Variants in RPS6KA2 observed in about 807,000 individuals in gnomAD.
RPS6KA2 encodes the protein ribosomal protein S6 kinase A2.
RPS6KA2 carries 42 observed loss-of-function variants against 91.8 expected under a neutral mutation model. The observed-to-expected ratio is 0.46, with a 90% confidence interval of 0.36 to 0.59. The LOEUF (loss-of-function observed/expected upper bound fraction) is 0.59. RPS6KA2 is among the 20% of genes least tolerant of loss of function. The pLI is 0.00. For synonymous variants in RPS6KA2, 414 were observed against 393.6 expected (o/e 1.05, Z -0.61); for missense variants, 798 against 978.5 (o/e 0.82, Z 2.46).
rs545233526 is a variant in RPS6KA2, at chr6:166,767,045, G to C, written c.123+91155C>G. 6.6e-6 allele frequency among the ~76,000 whole-genome samples: 1 copy of C among 152,172 alleles called. No individual in the cohort carries two copies. Among genetic ancestry groups the C allele is most frequent in the East Asian group, 1.9e-4 (1 of 5,188 alleles). ...GAAGTCTGCACCAACTCACCGCCAC[G>C]AGAGTGAATGAAGGTCCCTTCCTTA... On this transcript the variant is annotated intron_variant, in intron 2 of 21. Coordinates refer to the RPS6KA2 transcript ENST00000503859. The surrounding 1 kb of genome is among the most constrained non-coding windows in gnomAD (Gnocchi z 4.6).
intron 1 of RPS6KA2, among the ~76,000 whole-genome samples, chr6:166,604,115 T>C (rs886374000): frequency 5.3e-5 from 8 of 152,206 alleles, no homozygotes; most frequent in South Asian, 2.1e-4. Context: ...CCTCTGCCAA[T>C]TGAAAGTTTT....
intron 2 of RPS6KA2, among the ~76,000 whole-genome samples, chr6:166,705,212 A>G (rs1438271469): frequency 6.6e-6 from 1 of 152,184 alleles, no homozygotes; most frequent in African/African-American, 2.4e-5. Flanking sequence ...TATCCGTCCA[A>G]TTGTGCAAGC....
intron 2 of RPS6KA2, among the ~76,000 whole-genome samples, chr6:166,691,155 A>G (rs1001964179): frequency 2.6e-5 from 4 of 152,002 alleles, no homozygotes; most frequent in Admixed American, 6.5e-5. Context: ...CTCCTTTTAT[A>G]CCTGACTCTG....
rs757805752 is a variant in RPS6KA2 at position 166,498,545 on chromosome 6, G to T, written c.710C>A (p.Thr237Lys). 1 of 1,613,494 alleles carries T rather than the reference G, an allele frequency of 6.2e-7. No homozygotes were observed. Among genetic ancestry groups the T allele is most frequent in the Non-Finnish European group, 8.5e-7 (1 of 1,179,932 alleles). ...GAAGGACCACCAGTCGGCACTCTGC[G>T]TGTGTCCTCGCCGGTTCACCACCTC... ...APEVVNRRGH[T>K]QSADWWSFGV... is the part of the protein sequence containing the mutation. Residue 237 changes from threonine to lysine, a missense_variant, in exon 8 of 21, where the codon ACG (threonine) becomes AAG (lysine). Physicochemically the swap from Thr to Lys is moderately conservative, Grantham distance 78. Transcript: ENST00000265678.
intron 1 of RPS6KA2, among the ~76,000 whole-genome samples, chr6:166,623,331 A>T (rs1257963067): frequency 6.6e-6 from 1 of 152,244 alleles, no homozygotes; most frequent in Non-Finnish European, 1.5e-5. Context: ...GAGGTTCCAC[A>T]TCCCATCTTC....
Position 166,550,741 on chromosome 6 carries a change from G to A in RPS6KA2, c.100-11957C>T, listed in dbSNP as rs141748100. 3.4e-3 allele frequency among the ~76,000 whole-genome samples: 518 copies of A among 152,210 alleles called. 1 individual carries two copies. The highest frequency in any genetic ancestry group is 4.8e-3 in the Non-Finnish European group (324 of 67,984). On this transcript the variant is annotated intron_variant, in intron 1 of 20. Coordinates refer to ENST00000265678, the MANE Select transcript of RPS6KA2 (RefSeq NM_021135.6). ...ATTAGGGTTGGGCGCGATGGCTCAC[G>A]CCTGTAATCCCAGCACTTTGGGAGG...
intron 2 of RPS6KA2, among the ~76,000 whole-genome samples, chr6:166,700,504 A>G (rs186651259): frequency 6.6e-6 from 1 of 152,300 alleles, no homozygotes; most frequent in Admixed American, 6.5e-5. Context: ...AAAAAAAAGA[A>G]CAATTTTGCT....
chr6:166,693,564 G>T (rs1583025705), intron 2 of RPS6KA2, among the ~76,000 whole-genome samples: 1 of 152,294 alleles, frequency 6.6e-6, no homozygotes, highest in East Asian at 1.9e-4. Flanking sequence ...CTCTCGCCTG[G>T]TCTGTGGCCA....
intron 10 of RPS6KA2, among the ~76,000 whole-genome samples, chr6:166,482,758 A>C (rs1307126798): frequency 6.6e-6 from 1 of 152,174 alleles, no homozygotes; most frequent in Non-Finnish European, 1.5e-5. Context: ...TCAACAAGTG[A>C]AATCTGTGTG....
At position 166,563,466 on chromosome 6, in the gene RPS6KA2, AC is replaced by A. The variant is rs1784403310; in HGVS notation, c.100-24683del. Reference sequence around the variant, plus strand: ...CTCCTGGTGACAGATGCCCCCTGCCACCCCCAGGGGCTGCGGCTCCCCCAGA... The same window carrying A: ...CTCCTGGTGACAGATGCCCCCTGCCACCCCAGGGGCTGCGGCTCCCCCAGA... On this transcript the variant is annotated intron_variant, in intron 1 of 20. Transcript: ENST00000265678. The surrounding 1 kb of genome is among the most constrained non-coding windows in gnomAD (Gnocchi z 4.1). 6.7e-6 allele frequency among the ~76,000 whole-genome samples: 1 copy of A among 149,262 alleles called. No homozygotes were observed. Among genetic ancestry groups the A allele is most frequent in the East Asian group, 2.0e-4 (1 of 5,076 alleles).
chr6:166,780,431 C>T (rs1778739247), intron 2 of RPS6KA2, among the ~76,000 whole-genome samples: 2 of 152,244 alleles, frequency 1.3e-5, no homozygotes, highest in South Asian at 4.1e-4. Flanking sequence ...GCCTCCCTCA[C>T]AGCCCCAGCG....
At chr6:166,451,287 G>C (rs1779907715) in intron 12 of RPS6KA2, 54 bp from the exon 13 acceptor site, 2 of 1,604,968 alleles carry the variant, frequency 1.2e-6, no homozygotes, top group Admixed American at 1.7e-5. Flanking sequence ...TGACCCTGGG[G>C]TGAAGTGATA....
At chr6:166,744,186 T>C (rs543694738) in intron 2 of RPS6KA2, among the ~76,000 whole-genome samples, 1 of 152,214 alleles carries the variant, frequency 6.6e-6, no homozygotes, top group African/African-American at 2.4e-5. Context: ...TGAAATTCCA[T>C]CCACCGACCT....
chr6:166,762,703 T>C (rs2128603779), intron 2 of RPS6KA2, among the ~76,000 whole-genome samples: 1 of 152,170 alleles, frequency 6.6e-6, no homozygotes, highest in Non-Finnish European at 1.5e-5. Flanking sequence ...GGAGAAAGAA[T>C]AGCACCTTCC....
chr6:166,518,154 G>T (rs533802447), intron 3 of RPS6KA2, among the ~76,000 whole-genome samples: 3 of 150,904 alleles, frequency 2.0e-5, no homozygotes, highest in Admixed American at 6.6e-5. Context: ...AGGAATGGTG[G>T]TGTGCACCTG....
chr6:166,419,252 C>T lies in RPS6KA2; in HGVS notation c.1820+630G>A, dbSNP rs931115100. 1.2e-4 allele frequency among the ~76,000 whole-genome samples: 19 copies of T among 152,212 alleles called. No individual in the cohort carries two copies. The highest frequency in any genetic ancestry group is 1.9e-4 in the Non-Finnish European group (13 of 68,042). On this transcript the variant is annotated intron_variant, in intron 18 of 20. Coordinates refer to ENST00000265678, the MANE Select transcript of RPS6KA2 (RefSeq NM_021135.6). The surrounding 1 kb of genome is among the most constrained non-coding windows in gnomAD (Gnocchi z 5.6). ...ATTTAATAAACGTAATAGGAACCAGCGGATCTTGTAAGATCCTAGACCTTC... is the reference window on the plus strand; with the variant it reads ...ATTTAATAAACGTAATAGGAACCAGTGGATCTTGTAAGATCCTAGACCTTC...
At chr6:166,416,047 CCAT>C (rs1226460045) in intron 19 of RPS6KA2, among the ~76,000 whole-genome samples, 18 of 150,554 alleles carry the variant, frequency 1.2e-4, no homozygotes, top group African/African-American at 3.9e-4. Context: ...ACCACCTCCA[CCAT>C]CATCCTCACC....
At position 166,726,172 on chromosome 6, in the gene RPS6KA2, C is replaced by T. The variant is rs554607344; in HGVS notation, c.123+132028G>A. ...TTTAAAATCTTACTTCACATAACTACTTTGATAAATCTACTATTTATAAGC... is the reference window on the plus strand; with the variant it reads ...TTTAAAATCTTACTTCACATAACTATTTTGATAAATCTACTATTTATAAGC... On this transcript the variant is annotated intron_variant, in intron 2 of 21. Transcript: ENST00000503859. This position sits in a 1 kb window ranked among gnomAD's most constrained non-coding sequence, Gnocchi z 4.4. Among the ~76,000 whole-genome samples the T allele has an allele frequency of 3.3e-5, 5 of 151,390 alleles. No homozygotes were observed. The highest frequency in any genetic ancestry group is 7.4e-5 in the Non-Finnish European group (5 of 67,928).
At chr6:166,534,265 T>C (rs1288900593) in intron 2 of RPS6KA2, among the ~76,000 whole-genome samples, 1 of 146,368 alleles carries the variant, frequency 6.8e-6, no homozygotes, top group Non-Finnish European at 1.5e-5. Flanking sequence ...AAACAAAAAT[T>C]AGTTGAGTGT....
Sources: allele counts gnomAD v4.1 joint callset (sites outside exome capture counted in the v4.1 genomes callset), GRCh38; gene constraint gnomAD v4.1.1; non-coding constraint Gnocchi (gnomAD v3.1); transcripts MANE v1.5; gene names NCBI Gene and HGNC (gene_info 2026-07-23, HGNC 2026-07-21).